The following TMCC3 variants were observed in gnomAD, a reference collection of about 807,000 sequenced individuals.
TMCC3 encodes transmembrane and coiled-coil domain protein 3.
A neutral mutation model predicts 40.2 loss-of-function variants in TMCC3; 28 were observed. The ratio of observed to expected loss-of-function variants is 0.70; its 90% CI spans 0.52 to 0.95. TMCC3 has a LOEUF of 0.95. TMCC3 is among the 40% of genes least tolerant of loss of function. The probability of loss-of-function intolerance (pLI) is 0.00; values close to 1 mark genes in which losing one functional copy is unlikely to be tolerated. For synonymous variants in TMCC3, 255 were observed against 248.5 expected (o/e 1.03, Z -0.25); for missense variants, 554 against 615.2 (o/e 0.90, Z 1.05).
intron 1 of TMCC3, among the ~76,000 whole-genome samples, chr12:94,591,636 A>G (rs1313575759): frequency 6.6e-6 from 1 of 152,098 alleles, no homozygotes; most frequent in Admixed American, 6.5e-5. Flanking sequence ...TGCACTTGTA[A>G]TCCTGACTAC....
At chr12:94,572,832 G>A (rs904050350) in intron 3 of TMCC3, among the ~76,000 whole-genome samples, 14 of 152,128 alleles carry the variant, frequency 9.2e-5, no homozygotes, top group Admixed American at 5.2e-4. Flanking sequence ...GGGAGGGGAA[G>A]GGACTGGGGC....
intron 1 of TMCC3, among the ~76,000 whole-genome samples, chr12:94,611,461 C>T (rs1207709505): frequency 6.6e-6 from 1 of 152,122 alleles, no homozygotes; most frequent in Non-Finnish European, 1.5e-5. Flanking sequence ...AGCTTTGAAT[C>T]TGTATTTCAT....
At chr12:94,574,888 C>T (rs915889514) in intron 3 of TMCC3, among the ~76,000 whole-genome samples, 2 of 152,098 alleles carry the variant, frequency 1.3e-5, no homozygotes, top group East Asian at 1.9e-4. Flanking sequence ...ACAAATAGAC[C>T]GATCTTAGAA....
intron 1 of TMCC3, among the ~76,000 whole-genome samples, chr12:94,634,951 T>C (rs1185253513): frequency 6.6e-6 from 1 of 152,256 alleles, no homozygotes; most frequent in Non-Finnish European, 1.5e-5. Context: ...ACTCTTAATA[T>C]GCTCTTGAAT....
At chr12:94,626,013 C>A (rs992931726) in intron 1 of TMCC3, among the ~76,000 whole-genome samples, 1 of 152,140 alleles carries the variant, frequency 6.6e-6, no homozygotes, top group African/African-American at 2.4e-5. Flanking sequence ...GTTTAATTGA[C>A]TCACAGTTCC....
intron 1 of TMCC3, among the ~76,000 whole-genome samples, chr12:94,592,327 G>A (rs1314650877): frequency 6.6e-6 from 1 of 151,970 alleles, no homozygotes; most frequent in East Asian, 1.9e-4. Context: ...ACTGACAAAA[G>A]AAATTCTGTA....
rs755215632 is a variant in TMCC3 at position 94,593,428 on chromosome 12, A to AAGAAGG, written c.79-10896_79-10891dup. On this transcript the variant is annotated intron_variant, in intron 1 of 3. Coordinates refer to ENST00000261226, the MANE Select transcript of TMCC3 (RefSeq NM_020698.4). ...AGAAGAAGGAAGAAGAAGAAGGAAGAAGAAGGAGAAGGAGAAGGAGAAGGA... is the reference window on the plus strand; with the variant it reads ...AGAAGAAGGAAGAAGAAGAAGGAAGAAGAAGGAGAAGGAGAAGGAGAAGGAGAAGGA... Among the ~76,000 whole-genome samples, 556 of 56,326 alleles carry AAGAAGG rather than the reference A, an allele frequency of 9.9e-3. 176 individuals are homozygous for AAGAAGG. The highest frequency in any genetic ancestry group is 0.017 in the Non-Finnish European group (431 of 24,800). 37.0% of individuals were successfully genotyped at this position (56,326 alleles called of 152,430 possible).
chr12:94,582,660 C>T (rs926406031), intron 1 of TMCC3, 122 bp from the exon 2 acceptor site: 26 of 899,284 alleles, frequency 2.9e-5, no homozygotes, highest in South Asian at 8.7e-5. Context: ...ACAAGTGTCA[C>T]GGGATAAAAT....
intron 1 of TMCC3, among the ~76,000 whole-genome samples, chr12:94,645,410 T>G (rs2069012897): frequency 6.6e-6 from 1 of 152,124 alleles, no homozygotes; most frequent in Middle Eastern, 3.2e-3. Flanking sequence ...ACTAGAAGTG[T>G]TTCAGATTTC....
intron 3 of TMCC3, among the ~76,000 whole-genome samples, chr12:94,576,996 C>T (rs1566313405): frequency 6.6e-6 from 1 of 152,116 alleles, no homozygotes; most frequent in Non-Finnish European, 1.5e-5. Context: ...CTTGTTTAGG[C>T]CACTTAACCT....
intron 1 of TMCC3, among the ~76,000 whole-genome samples, chr12:94,648,494 G>C (rs1402515361): frequency 1.5e-4 from 23 of 152,056 alleles, no homozygotes; most frequent in Admixed American, 1.5e-3. Context: ...CAAAGTGGTG[G>C]GATTACAGGC....
chr12:94,610,067 G>C (rs931289285), intron 1 of TMCC3: 4 of 152,166 alleles, frequency 2.6e-5, no homozygotes, highest in African/African-American at 9.7e-5. Context: ...AAGGAAAAGA[G>C]TGTTTGGAAA....
At chr12:94,625,975 G>A (rs534481419) in intron 1 of TMCC3, among the ~76,000 whole-genome samples, 79 of 152,234 alleles carry the variant, frequency 5.2e-4, no homozygotes, top group African/African-American at 1.4e-3. Context: ...GATACTACCC[G>A]AGATTGGGTA....
intron 1 of TMCC3, among the ~76,000 whole-genome samples, chr12:94,596,398 A>G (rs543625786): frequency 7.9e-5 from 12 of 152,250 alleles, no homozygotes; most frequent in African/African-American, 2.9e-4. Context: ...TGAACACTGC[A>G]TGCACTTTGC....
intron 1 of TMCC3, among the ~76,000 whole-genome samples, chr12:94,599,773 T>C (rs573574299): frequency 1.3e-5 from 2 of 152,338 alleles, no homozygotes; most frequent in African/African-American, 4.8e-5. Flanking sequence ...TAAAGACAGA[T>C]GTCTAACGTT....
chr12:94,649,075 A>T (rs1478188505), intron 1 of TMCC3, among the ~76,000 whole-genome samples: 1 of 152,214 alleles, frequency 6.6e-6, no homozygotes, highest in African/African-American at 2.4e-5. Flanking sequence ...AAGTGCAAAA[A>T]CAAGAGAATT....
At chr12:94,630,256 CAAA>C (rs59380759) in intron 1 of TMCC3, among the ~76,000 whole-genome samples, 281 of 145,456 alleles carry the variant, frequency 1.9e-3, no homozygotes, top group Non-Finnish European at 2.1e-3. Flanking sequence ...GACTCTGTCC[CAAA>C]AAAAAAAAAA....
intron 1 of TMCC3, among the ~76,000 whole-genome samples, chr12:94,630,621 C>G (rs1399987539): frequency 6.6e-6 from 1 of 152,212 alleles, no homozygotes; most frequent in Non-Finnish European, 1.5e-5. Context: ...GGCAATGGCA[C>G]TCCTACCCAT....
At chr12:94,575,107 A>G (rs977782312) in intron 3 of TMCC3, among the ~76,000 whole-genome samples, 1 of 148,934 alleles carries the variant, frequency 6.7e-6, no homozygotes, top group Admixed American at 6.7e-5. Context: ...TTCAGGGTTT[A>G]AAAAACCACT....
Sources: allele counts gnomAD v4.1 joint callset (sites outside exome capture counted in the v4.1 genomes callset), GRCh38; gene constraint gnomAD v4.1.1; transcripts MANE v1.5; gene names NCBI Gene and HGNC (gene_info 2026-07-23, HGNC 2026-07-21).